The following CHUK variants were observed in gnomAD, a reference collection of about 807,000 sequenced individuals.
CHUK encodes inhibitor of nuclear factor kappa-B kinase subunit alpha.
A neutral mutation model predicts 104.8 loss-of-function variants in CHUK; 35 were observed. The observed-to-expected ratio is 0.33, with a 90% confidence interval of 0.26 to 0.44. The LOEUF is 0.44. CHUK is among the 20% of genes least tolerant of loss of function. CHUK has a pLI of 1.00. For synonymous variants in CHUK, 276 were observed against 291.9 expected, an observed-to-expected ratio of 0.95 and a Z score of 0.56; for missense variants, 663 against 902.7, an observed-to-expected ratio of 0.73 and a Z score of 3.40.
intron 1 of CHUK, 119 bp downstream of exon 1, chr10:100,229,309 C>T (rs1846181319): frequency 2.6e-6 from 2 of 775,896 alleles, no homozygotes; most frequent in Non-Finnish European, 4.4e-6. Flanking sequence ...CACTGGCCCC[C>T]AAATACTGCC....
intron 1 of CHUK, among the ~76,000 whole-genome samples, chr10:100,227,968 A>G (rs1012982426): frequency 6.6e-6 from 1 of 152,202 alleles, no homozygotes; most frequent in Non-Finnish European, 1.5e-5. Context: ...ATCCTTTACA[A>G]AACCATTTTC....
intron 1 of CHUK, among the ~76,000 whole-genome samples, chr10:100,229,050 G>GTCCC (rs1846174361): frequency 7.0e-6 from 1 of 143,286 alleles, no homozygotes; most frequent in Non-Finnish European, 1.5e-5. Flanking sequence ...CCCAAAGGCA[G>GTCCC]TCCCCTTCAG....
Position 100,227,580 on chromosome 10 carries a change from T to G in CHUK, c.106-1563A>C, listed in dbSNP as rs528969686. ...TTTTTTTAGTGTGTTATGTTCCCTC[T>G]GATGGTGAGAATTATTAAATTTACT... On this transcript the variant is annotated intron_variant, in intron 1 of 20. Coordinates refer to ENST00000370397, the MANE Select transcript of CHUK (RefSeq NM_001278.5). Among the ~76,000 whole-genome samples the G allele has an allele frequency of 2.6e-5, 4 of 152,116 alleles. No individual in the cohort carries two copies. In the South Asian group the frequency reaches 8.3e-4, roughly 32 times the overall value.
rs1564833153 is a variant in CHUK, at chr10:100,202,383, TA to T, written c.1508-235del. ...CTCATACTGGAATGGTCTGGGCCCTTAGTCCAGTACGACCAGTGTACTTAGA... is the reference window on the plus strand; with the variant it reads ...CTCATACTGGAATGGTCTGGGCCCTTGTCCAGTACGACCAGTGTACTTAGA... On this transcript the variant is annotated intron_variant, in intron 13 of 20. Coordinates refer to ENST00000370397, the MANE Select transcript of CHUK (RefSeq NM_001278.5). Among the ~76,000 whole-genome samples the T allele has an allele frequency of 2.0e-5, 3 of 152,184 alleles. No individual in the cohort carries two copies. In the South Asian group the frequency reaches 6.2e-4, roughly 32 times the overall value.
In CHUK at chr10:100,194,475, G is replaced by A. The variant is rs149364994; in HGVS notation, c.1776C>T (p.His592=). The A allele has an allele frequency of 2.4e-5, 38 of 1,613,680 alleles. No homozygotes were observed. In the African/African-American group the frequency reaches 3.9e-4, roughly 16 times the overall value. Residue 592 remains histidine, a synonymous_variant, in exon 17 of 21, where the codon CAC becomes CAT. Coordinates refer to ENST00000370397, the MANE Select transcript of CHUK (RefSeq NM_001278.5). ...GCACACGGTCCTGACTCTGCACAGTGTGCACAATGATTTTCACCATCTCTG... is the reference window on the plus strand; with the variant it reads ...GCACACGGTCCTGACTCTGCACAGTATGCACAATGATTTTCACCATCTCTG... ...DSTEMVKIIV[H]TVQSQDRVLK...
At chr10:100,224,875 G>T (rs1021077742) in intron 2 of CHUK, among the ~76,000 whole-genome samples, 15 of 148,984 alleles carry the variant, frequency 1.0e-4, no homozygotes, top group African/African-American at 3.5e-4. Flanking sequence ...TTCAGACAGG[G>T]TCTTGCTCTT....
At chr10:100,200,871 G>C in intron 14 of CHUK, 91 bp from the exon 15 acceptor site, 1 of 764,550 alleles carries the variant, frequency 1.3e-6, no homozygotes, top group Non-Finnish European at 2.4e-6. Flanking sequence ...AGAATGACTT[G>C]CTGCTTCATT....
At chr10:100,225,895 G>A (rs776173277) in intron 2 of CHUK, 28 bp downstream of exon 2, 2 of 1,322,400 alleles carry the variant, frequency 1.5e-6, no homozygotes, top group African/African-American at 1.4e-5. Flanking sequence ...GTAGAACCAG[G>A]GAAATGTAAG....
At chr10:100,187,081 C>G (rs1397579721), downstream of CHUK, 1 of 152,388 alleles carries the variant, frequency 6.6e-6, no homozygotes, top group African/African-American at 2.4e-5. Flanking sequence ...ACTCGCCCGC[C>G]GCTCACCTCC....
chr10:100,194,679 G>T, intron 16 of CHUK, 158 bp from the exon 17 acceptor site: 1 of 545,852 alleles, frequency 1.8e-6, no homozygotes, highest in Admixed American at 3.1e-5. Context: ...AAGATATAAA[G>T]ATTACCTATA....
At chr10:100,214,286 G>A (rs1397822683) in intron 9 of CHUK, among the ~76,000 whole-genome samples, 2 of 152,136 alleles carry the variant, frequency 1.3e-5, no homozygotes, top group Non-Finnish European at 2.9e-5. Flanking sequence ...ATACTATTAA[G>A]TGTGTTGTGG....
At chr10:100,190,056 C>T (rs1486226636) in intron 20 of CHUK, 1 of 160,410 alleles carries the variant, frequency 6.2e-6, no homozygotes, top group East Asian at 1.8e-4. Flanking sequence ...CAAAGTCTCA[C>T]TCTGTCACAG....
intron 10 of CHUK, among the ~76,000 whole-genome samples, chr10:100,207,967 G>A (rs748327804): frequency 5.9e-5 from 9 of 151,994 alleles, no homozygotes; most frequent in Non-Finnish European, 1.2e-4. Flanking sequence ...ATGATAATAT[G>A]CCTCAATAAA....
intron 5 of CHUK, 100 bp downstream of exon 5, chr10:100,220,488 C>T (rs557905769): frequency 2.4e-6 from 2 of 839,504 alleles, no homozygotes; most frequent in Non-Finnish European, 4.1e-6. Context: ...AAAAGTAAGA[C>T]TGTTATGGGC....
chr10:100,192,584 C>T, intron 19 of CHUK: 1 of 985,292 alleles, frequency 1.0e-6, no homozygotes, highest in Non-Finnish European at 1.2e-6. Context: ...TAATTATGGG[C>T]AGAGCTTCCA....
At chr10:100,218,326 CAT>C (rs774612217) in intron 8 of CHUK, among the ~76,000 whole-genome samples, 196 bp from the exon 9 acceptor site, 31 of 152,324 alleles carry the variant, frequency 2.0e-4, no homozygotes, top group African/African-American at 4.8e-4. Flanking sequence ...CAAAACTCCA[CAT>C]ATGTTAGTTA....
chr10:100,223,510 T>C (rs1846036326), intron 2 of CHUK, among the ~76,000 whole-genome samples: 1 of 151,984 alleles, frequency 6.6e-6, no homozygotes, highest in Non-Finnish European at 1.5e-5. Flanking sequence ...TGGTGGCGCA[T>C]GCCTATAGTC....
At chr10:100,203,470 A>G (rs898419321) in intron 13 of CHUK, among the ~76,000 whole-genome samples, 7 of 151,904 alleles carry the variant, frequency 4.6e-5, no homozygotes, top group Non-Finnish European at 1.0e-4. Flanking sequence ...AATAATATTA[A>G]TAAAACCAGT....
downstream of CHUK, chr10:100,186,725 G>A (rs757113682): frequency 6.6e-6 from 1 of 152,162 alleles, no homozygotes; most frequent in African/African-American, 2.4e-5. Context: ...AAAACCATGG[G>A]CACATATTGC....
Sources: allele counts gnomAD v4.1 joint callset (sites outside exome capture counted in the v4.1 genomes callset), GRCh38; gene constraint gnomAD v4.1.1; transcripts MANE v1.5; gene names NCBI Gene and HGNC (gene_info 2026-07-23, HGNC 2026-07-21).